Variants in DPP10 observed in about 807,000 individuals in gnomAD.
The protein encoded by DPP10 is dipeptidyl peptidase like 10, also known as inactive dipeptidyl peptidase 10.
DPP10 carries 33 observed loss-of-function variants against 120.9 expected under a neutral mutation model. That is an observed-to-expected ratio of 0.27 (90% CI 0.21 to 0.37). The LOEUF (loss-of-function observed/expected upper bound fraction) is 0.37. Ranked by LOEUF, DPP10 falls within the 10% of genes least tolerant of loss-of-function variation. The probability of loss-of-function intolerance (pLI) is 1.00; values close to 1 mark genes in which losing one functional copy is unlikely to be tolerated. For missense variants in DPP10, 816 were observed against 942.8 expected (o/e 0.87, Z 1.76); for synonymous variants, 337 against 326.1 (o/e 1.03, Z -0.36).
chr2:114,491,348 T>A (rs538459206), intron 1 of DPP10, among the ~76,000 whole-genome samples: 108 of 152,330 alleles, frequency 7.1e-4, no homozygotes, highest in African/African-American at 2.4e-3. Context: ...TTCCAAAGTG[T>A]GGGTATCTTG....
At chr2:115,409,104 A>C (rs2068744975) in intron 3 of DPP10, among the ~76,000 whole-genome samples, 1 of 152,122 alleles carries the variant, frequency 6.6e-6, no homozygotes, top group African/African-American at 2.4e-5. Flanking sequence ...AGAAGAAACA[A>C]ATTATCAAAT....
At chr2:115,782,850 C>T (rs1682929569) in intron 17 of DPP10, among the ~76,000 whole-genome samples, 1 of 152,004 alleles carries the variant, frequency 6.6e-6, no homozygotes, top group Non-Finnish European at 1.5e-5. Context: ...TTTGTATATG[C>T]ACTTTTTCAT....
At chr2:115,772,910 GA>G (rs1681649847) in intron 13 of DPP10, among the ~76,000 whole-genome samples, 1 of 152,114 alleles carries the variant, frequency 6.6e-6, no homozygotes, top group African/African-American at 2.4e-5. Flanking sequence ...TGTGTTAAAT[GA>G]AAAATTATAT....
chr2:114,834,375 A>ACATATCTACACACCTATGTATATATAAGC lies in DPP10; in HGVS notation c.60+391587_60+391615dup, dbSNP rs1387940668. Among the ~76,000 whole-genome samples, 7 of 142,282 alleles carry ACATATCTACACACCTATGTATATATAAGC rather than the reference A, an allele frequency of 4.9e-5. No homozygotes were observed. In the East Asian group the frequency reaches 6.4e-4, roughly 13 times the overall value. The allele number at this position is 142,282 out of a possible 152,430, so 93.3% of individuals were successfully genotyped here. On this transcript the variant is annotated intron_variant, in intron 1 of 25. Coordinates refer to ENST00000410059, the MANE Select transcript of DPP10 (RefSeq NM_020868.6). ...GTCTACACACCTATGTATATAAAAG[A>ACATATCTACACACCTATGTATATATAAGC]CATATCTACACACCTATGTATATAT...
intron 3 of DPP10, among the ~76,000 whole-genome samples, chr2:115,451,891 TG>T (rs2073137962): frequency 2.8e-4 from 3 of 10,600 alleles, no homozygotes; most frequent in Non-Finnish European, 0.016. Context: ...TGTTTGTGTG[TG>T]TGTGTGTGTC....
chr2:115,461,338 A>T (rs2073972862), intron 3 of DPP10, among the ~76,000 whole-genome samples: 1 of 152,168 alleles, frequency 6.6e-6, no homozygotes, highest in Non-Finnish European at 1.5e-5. Context: ...TCCATTAAAT[A>T]CTGTTAACAT....
chr2:114,822,873 C>G (rs181581391), intron 1 of DPP10, among the ~76,000 whole-genome samples: 19 of 152,328 alleles, frequency 1.2e-4, no homozygotes, highest in Non-Finnish European at 2.1e-4. Flanking sequence ...TCATCTCCAT[C>G]TGAGACCACC....
intron 19 of DPP10, among the ~76,000 whole-genome samples, chr2:115,810,428 G>T (rs1216465921): frequency 2.0e-5 from 3 of 151,988 alleles, no homozygotes; most frequent in South Asian, 4.1e-4. Flanking sequence ...TCCAGTTTTG[G>T]TATAAATGAT....
At chr2:114,553,731 A>C (rs1688067191) in intron 1 of DPP10, among the ~76,000 whole-genome samples, 1 of 152,176 alleles carries the variant, frequency 6.6e-6, no homozygotes, top group East Asian at 1.9e-4. Context: ...TTTGATTCAA[A>C]CAGTAGAAGT....
intron 1 of DPP10, among the ~76,000 whole-genome samples, chr2:114,647,345 G>T (rs556595820): frequency 7.2e-5 from 11 of 152,234 alleles, no homozygotes; most frequent in Admixed American, 5.9e-4. Context: ...TCCACGACTT[G>T]TAATAAGCAC....
intron 1 of DPP10, among the ~76,000 whole-genome samples, chr2:114,528,127 C>G (rs1685657715): frequency 6.6e-6 from 1 of 152,048 alleles, no homozygotes; most frequent in African/African-American, 2.4e-5. Context: ...ATCCTTATCC[C>G]AAAACACTGA....
chr2:115,504,730 A>G (rs770118962), intron 4 of DPP10, among the ~76,000 whole-genome samples: 8 of 152,110 alleles, frequency 5.3e-5, no homozygotes, highest in Non-Finnish European at 7.4e-5. Flanking sequence ...TGAATCTACC[A>G]TAGACATTTA....
chr2:115,283,907 C>T (rs538542931), intron 1 of DPP10, among the ~76,000 whole-genome samples: 8 of 152,092 alleles, frequency 5.3e-5, no homozygotes, highest in African/African-American at 1.9e-4. Context: ...GGTCTAGGAG[C>T]AATAGGCTAG....
intron 19 of DPP10, among the ~76,000 whole-genome samples, chr2:115,809,853 A>G (rs1686428771): frequency 6.6e-6 from 1 of 152,200 alleles, no homozygotes; most frequent in Admixed American, 6.5e-5. Context: ...TTTACTGATA[A>G]GGATAAGAGC....
intron 1 of DPP10, among the ~76,000 whole-genome samples, chr2:114,975,658 T>C (rs1699707697): frequency 6.6e-6 from 1 of 152,234 alleles, no homozygotes; most frequent in African/African-American, 2.4e-5. Context: ...TATTCATTTA[T>C]TTATTTATTT....
intron 3 of DPP10, among the ~76,000 whole-genome samples, chr2:115,440,613 A>G (rs2071947590): frequency 6.6e-6 from 1 of 152,230 alleles, no homozygotes; most frequent in African/African-American, 2.4e-5. Context: ...GGCTTGATTA[A>G]CTTTTATACC....
chr2:114,501,874 G>A (rs868704186), intron 1 of DPP10, among the ~76,000 whole-genome samples: 2 of 151,384 alleles, frequency 1.3e-5, no homozygotes, highest in South Asian at 4.2e-4. Flanking sequence ...TTTCCATCTG[G>A]TCAAACACCA....
intron 19 of DPP10, among the ~76,000 whole-genome samples, chr2:115,802,005 A>T (rs1685302458): frequency 6.6e-6 from 1 of 152,160 alleles, no homozygotes; most frequent in Admixed American, 6.5e-5. Flanking sequence ...TTCAGAAGGA[A>T]TGGTACCAGC....
At chr2:114,637,684 G>A (rs1371994420) in intron 1 of DPP10, among the ~76,000 whole-genome samples, 1 of 151,836 alleles carries the variant, frequency 6.6e-6, no homozygotes, top group African/African-American at 2.4e-5. Flanking sequence ...TGGGGGTCTA[G>A]TTTTATTCTC....
Sources: gnomAD v4.1 joint callset for allele counts (sites outside exome capture counted in the v4.1 genomes callset) on GRCh38, gnomAD v4.1.1 for gene constraint, MANE v1.5 for transcripts, NCBI Gene and HGNC (gene_info 2026-07-23, HGNC 2026-07-21) for gene names.